The following NEMF variants were observed in gnomAD, a reference collection of about 807,000 sequenced individuals.
NEMF encodes ribosome quality control complex subunit NEMF.
NEMF carries 89 observed loss-of-function variants against 162.2 expected under a neutral mutation model. That is an observed-to-expected ratio of 0.55 (90% CI 0.46 to 0.65). The LOEUF is 0.65. NEMF is among the 30% of genes least tolerant of loss of function. The pLI, the probability that NEMF is intolerant of heterozygous loss-of-function variation, is 0.00. For missense variants in NEMF, 1,133 were observed against 1,261.9 expected (o/e 0.90, Z 1.55); for synonymous variants, 421 against 404.5 (o/e 1.04, Z -0.49).
At position 49,795,826 on chromosome 14, in the gene NEMF, C is replaced by T. The variant is rs373183386; in HGVS notation, c.2584G>A (p.Val862Ile). 3.1e-6 allele frequency: 5 copies of T among 1,613,104 alleles called. No individual in the cohort carries two copies. Among genetic ancestry groups the T allele is most frequent in the Non-Finnish European group, 3.4e-6 (4 of 1,179,800 alleles). The change falls in exon 26 of 33, where the codon GTT (valine) becomes ATT (isoleucine). Residue 862 changes from valine (V) to isoleucine (I), a missense_variant. Around this residue, in one of 3 missense-constraint regions of NEMF, gnomAD observed 532 missense variants for 578.6 expected, o/e 0.92. Transcript: ENST00000298310. ...CGTTTCATTGGCTGCACAGCCGCAA[C>T]ATTTTTGCTTGTGTTCTGATGAGTT... ...IETHQNTSKN[V>I]AAVQPMKRGQ... is the part of the protein sequence containing the mutation.
intron 16 of NEMF, among the ~76,000 whole-genome samples, chr14:49,824,965 G>A (rs1892266736): frequency 6.6e-6 from 1 of 152,204 alleles, no homozygotes; most frequent in African/African-American, 2.4e-5. Flanking sequence ...CTCCAGGAGA[G>A]ACTTCTGACC....
intron 5 of NEMF, 54 bp downstream of exon 5, chr14:49,840,664 T>C: frequency 6.7e-7 from 1 of 1,488,576 alleles, no homozygotes; most frequent in South Asian, 1.2e-5. Context: ...CTCATTATGT[T>C]GCCCAGTACA....
At chr14:49,801,606 A>G (rs1890959542) in intron 22 of NEMF, 1 of 152,236 alleles carries the variant, frequency 6.6e-6, no homozygotes, top group African/African-American at 2.4e-5. Context: ...AAACAATGCA[A>G]TATTACCTGT....
chr14:49,835,926 T>C (rs746883645), intron 6 of NEMF, among the ~76,000 whole-genome samples: 1 of 152,162 alleles, frequency 6.6e-6, no homozygotes, highest in Non-Finnish European at 1.5e-5. Context: ...TAGGAATAAA[T>C]CTAACTGAGA....
chr14:49,800,606 A>G lies in NEMF; in HGVS notation c.2186T>C (p.Ile729Thr). ...ELMTQVDQED[I>T]TLQSGRDELN... ...TTCATCTCTGCCACTCTGAAGAGTG[A>G]TATCCTCTTGGTCAACCTGAGTCAT... The change falls in exon 23 of 33, where the codon ATC (isoleucine) becomes ACC (threonine). Residue 729 changes from isoleucine to threonine, a missense_variant. Physicochemically the swap from Ile to Thr is moderately conservative, Grantham distance 89. This residue lies in a region of NEMF where 532 missense variants were observed against 578.6 expected (regional missense o/e 0.92). Transcript: ENST00000298310. 6.2e-7 allele frequency: 1 copy of G among 1,613,812 alleles called. No individual in the cohort carries two copies. Among genetic ancestry groups the G allele is most frequent in the Non-Finnish European group, 8.5e-7 (1 of 1,179,826 alleles).
chr14:49,813,943 T>G (rs1280745858), intron 18 of NEMF, 45 bp downstream of exon 18: 1 of 1,169,346 alleles, frequency 8.6e-7, no homozygotes, highest in South Asian at 1.2e-5. Context: ...CTAAAAATAT[T>G]TTAAAGAAAG....
chr14:49,814,862 C>A lies in NEMF; in HGVS notation c.1578-5G>T. On this transcript the variant is annotated splice_region_variant and splice_polypyrimidine_tract_variant and intron_variant, in intron 16 of 32. Transcript: ENST00000298310. ...AACCACAGAAATTTCTCAAACCTATCAAAATGAAAGAAAAAAAGTTAACTT... is the reference window on the plus strand; with the variant it reads ...AACCACAGAAATTTCTCAAACCTATAAAAATGAAAGAAAAAAAGTTAACTT... The A allele has an allele frequency of 6.6e-7, 1 of 1,516,480 alleles. No homozygotes were observed. Among genetic ancestry groups the A allele is most frequent in the African/African-American group, 1.4e-5 (1 of 70,538 alleles). The allele number at this position is 1,516,480 out of a possible 1,614,324, so 93.9% of individuals were successfully genotyped here. A position where few individuals can be genotyped will look rare whatever the true frequency, so the allele number is the denominator to read the frequency against.
chr14:49,844,884 T>C, intron 4 of NEMF: 3 of 351,392 alleles, frequency 8.5e-6, no homozygotes, highest in Admixed American at 3.1e-5. Context: ...TTCTCCTGCC[T>C]CAGCCTCCCG....
intron 23 of NEMF, among the ~76,000 whole-genome samples, chr14:49,799,944 T>C (rs1566659002): frequency 6.6e-6 from 1 of 152,148 alleles, no homozygotes; most frequent in Non-Finnish European, 1.5e-5. Flanking sequence ...CAAATCCCTA[T>C]GAAAGGGATA....
At position 49,784,505 on chromosome 14, in the gene NEMF, G is replaced by T. The variant is rs1350474314; in HGVS notation, c.*131C>A. The T allele has an allele frequency of 1.6e-6, 1 of 627,600 alleles. No individual in the cohort carries two copies. The highest frequency in any genetic ancestry group is 2.2e-5 in the South Asian group (1 of 44,996). The allele number at this position is 627,600 out of a possible 1,614,324, so 38.9% of individuals were successfully genotyped here. On this transcript the variant is annotated 3_prime_UTR_variant, in exon 33 of 33. Coordinates refer to ENST00000298310, the MANE Select transcript of NEMF (RefSeq NM_004713.6). ...GAAAAAACAAGAAGTAAGTCCTTTT[G>T]GTGAATATAGCAAGGCAATGTTTAG...
At chr14:49,787,392 G>A (rs1449272531) in intron 28 of NEMF, among the ~76,000 whole-genome samples, 1 of 152,204 alleles carries the variant, frequency 6.6e-6, no homozygotes, top group Non-Finnish European at 1.5e-5. Context: ...TTGCCTCAAA[G>A]ATGGTACCTT....
intron 18 of NEMF, among the ~76,000 whole-genome samples, chr14:49,806,939 A>T (rs948289626): frequency 4.6e-5 from 7 of 152,204 alleles, no homozygotes; most frequent in African/African-American, 1.7e-4. Context: ...GGCTTTTTGT[A>T]TATTCATAAT....
chr14:49,810,788 C>T lies in NEMF; in HGVS notation c.1744+3200G>A, dbSNP rs1236504005. On this transcript the variant is annotated intron_variant, in intron 18 of 32. Coordinates refer to ENST00000298310, the MANE Select transcript of NEMF (RefSeq NM_004713.6). The stretch of plus-strand genomic sequence containing the variant: ...GATGGACTGCTCGAGCTCAGGAGCT[C>T]GACACTAGTCTGGACAACATGGCAA... Among the ~76,000 whole-genome samples the T allele has an allele frequency of 9.9e-5, 15 of 152,086 alleles. No homozygotes were observed. In the East Asian group the frequency reaches 1.9e-3, roughly 20 times the overall value.
chr14:49,784,366 C>T lies in NEMF; in HGVS notation c.*270G>A, dbSNP rs1418022404. On this transcript the variant is annotated 3_prime_UTR_variant, in exon 33 of 33. Transcript: ENST00000298310. ...GAAATGAATACTTGGTATTAACCTC[C>T]CAAATTTCAAGAAAATGTAGAATAA... The T allele has an allele frequency of 8.5e-5, 25 of 293,656 alleles. No individual in the cohort carries two copies. The highest frequency in any genetic ancestry group is 1.3e-4 in the East Asian group (2 of 15,708). 18.2% of individuals were successfully genotyped at this position (293,656 alleles called of 1,614,324 possible). A position where few individuals can be genotyped will look rare whatever the true frequency, so the allele number is the denominator to read the frequency against.
chr14:49,827,910 T>C (rs1267594075), intron 15 of NEMF, among the ~76,000 whole-genome samples: 1 of 152,054 alleles, frequency 6.6e-6, no homozygotes, highest in Non-Finnish European at 1.5e-5. Context: ...CTACTTGTCA[T>C]AGTCCATGTG....
Position 49,803,293 on chromosome 14 carries a change from A to G in NEMF, c.1859T>C (p.Val620Ala). The G allele has an allele frequency of 6.3e-7, 1 of 1,596,254 alleles. No homozygotes were observed. Among genetic ancestry groups the G allele is most frequent in the South Asian group, 1.1e-5 (1 of 90,630 alleles). Residue 620 changes from valine to alanine, a missense_variant and splice_region_variant, in exon 20 of 33, where the codon GTA becomes GCA. Transcript: ENST00000298310. ...TTCTCCAGTTGGTGCTGTTTTAGAT[A>G]CCTGAAGAACACAATAATACATTAT... The part of the protein sequence containing the change: ...TSAWWVYHHQ[V>A]SKTAPTGEYL...
chr14:49,837,870 A>C (rs1240135220), intron 6 of NEMF, among the ~76,000 whole-genome samples: 1 of 152,068 alleles, frequency 6.6e-6, no homozygotes, highest in Non-Finnish European at 1.5e-5. Context: ...ATTAAATCAA[A>C]GACTCACAAT....
chr14:49,839,236 C>T (rs892160350), intron 5 of NEMF, among the ~76,000 whole-genome samples: 2 of 151,874 alleles, frequency 1.3e-5, no homozygotes, highest in African/African-American at 4.8e-5. Context: ...CACCACCATG[C>T]CCGGCTAATT....
Position 49,815,780 on chromosome 14 carries a change from T to G in NEMF, c.1578-923A>C, listed in dbSNP as rs547738225. On this transcript the variant is annotated intron_variant, in intron 16 of 32. Coordinates refer to ENST00000298310, the MANE Select transcript of NEMF (RefSeq NM_004713.6). The stretch of plus-strand genomic sequence containing the variant: ...GAGATCGAGACCATCCCGGTTAACA[T>G]GGTGAAAACCCGTCTCTACTGAAAA... 1.8e-3 allele frequency among the ~76,000 whole-genome samples: 272 copies of G among 152,044 alleles called. 1 individual carries two copies. The highest frequency in any genetic ancestry group is 3.4e-3 in the Middle Eastern group (1 of 294).
Sources: gnomAD v4.1 joint callset for allele counts (sites outside exome capture counted in the v4.1 genomes callset) on GRCh38, gnomAD v4.1.1 for gene constraint, gnomAD v4.1.1 regional missense constraint, MANE v1.5 for transcripts, NCBI Gene and HGNC (gene_info 2026-07-23, HGNC 2026-07-21) for gene names.